DCAF7: variants seen among roughly 807,000 people sequenced by gnomAD.
DCAF7 encodes the protein DDB1- and CUL4-associated factor 7.
A neutral mutation model predicts 41.2 loss-of-function variants in DCAF7; 4 were observed. The observed-to-expected ratio is 0.10, with a 90% CI of 0.05 to 0.22. DCAF7 has a LOEUF of 0.22. Ranked by LOEUF, DCAF7 falls within the 10% of genes least tolerant of loss-of-function variation. The probability of loss-of-function intolerance (pLI) is 1.00; values close to 1 mark genes in which losing one functional copy is unlikely to be tolerated. For synonymous variants in DCAF7, 143 were observed against 164.2 expected (o/e 0.87, Z 0.99); for missense variants, 131 against 443.2 (o/e 0.30, Z 6.32).
intron 1 of DCAF7, among the ~76,000 whole-genome samples, chr17:63,566,096 G>A (rs1010162256): frequency 2.0e-5 from 3 of 151,962 alleles, no homozygotes; most frequent in South Asian, 2.1e-4. Flanking sequence ...GTGAGACTCT[G>A]TCTCAAAAAC....
intron 1 of DCAF7, among the ~76,000 whole-genome samples, chr17:63,566,286 G>A (rs2033440547): frequency 6.6e-6 from 1 of 151,874 alleles, no homozygotes. Flanking sequence ...CAGGAGAATG[G>A]CGTGAACCTG....
At chr17:63,576,698 G>C (rs2033566062) in intron 1 of DCAF7, among the ~76,000 whole-genome samples, 1 of 152,162 alleles carries the variant, frequency 6.6e-6, no homozygotes. Context: ...AGGATCACTT[G>C]AGCCCAGAAG....
At chr17:63,585,541 A>G (rs1192719823) in intron 6 of DCAF7, among the ~76,000 whole-genome samples, 1 of 152,214 alleles carries the variant, frequency 6.6e-6, no homozygotes, top group East Asian at 1.9e-4. Flanking sequence ...TCTTCCATAT[A>G]TGATTTACAT....
chr17:63,576,999 A>C (rs972137235), intron 1 of DCAF7, among the ~76,000 whole-genome samples: 2 of 152,264 alleles, frequency 1.3e-5, no homozygotes, highest in Non-Finnish European at 2.9e-5. Flanking sequence ...TACACACAAG[A>C]ACATGGATGA....
rs180684025 is a variant in DCAF7, at chr17:63,589,562, T to C, written c.*390T>C. Reference sequence around the variant, plus strand: ...AAGGCAGCAGTTCATGTCTCGTCCATGTCCATGTTCGTGTTAGCACTTACG... The same window carrying C: ...AAGGCAGCAGTTCATGTCTCGTCCACGTCCATGTTCGTGTTAGCACTTACG... On this transcript the variant is annotated 3_prime_UTR_variant, in exon 7 of 7. Transcript: ENST00000614556. The C allele has an allele frequency of 2.3e-4, 63 of 273,936 alleles. 2 individuals are homozygous for C. Among genetic ancestry groups the C allele is most frequent in the Middle Eastern group, 1.4e-3 (1 of 738 alleles). The allele number at this position is 273,936 out of a possible 1,614,324, so 17.0% of individuals were successfully genotyped here.
At chr17:63,557,708 G>A (rs763340275) in intron 1 of DCAF7, among the ~76,000 whole-genome samples, 10 of 152,172 alleles carry the variant, frequency 6.6e-5, no homozygotes, top group Non-Finnish European at 7.4e-5. Flanking sequence ...TCAAATATAT[G>A]GTTAAAGAAG....
chr17:63,581,177 C>G (rs2033618988), intron 4 of DCAF7, among the ~76,000 whole-genome samples: 2 of 152,174 alleles, frequency 1.3e-5, no homozygotes, highest in African/African-American at 4.8e-5. Flanking sequence ...GTTTGTCCCA[C>G]AGAGAGGACC....
At chr17:63,562,539 T>C (rs531681220) in intron 1 of DCAF7, among the ~76,000 whole-genome samples, 2 of 151,464 alleles carry the variant, frequency 1.3e-5, no homozygotes, top group East Asian at 3.9e-4. Context: ...TTTTTTATTT[T>C]TTATTATTAT....
intron 2 of DCAF7, 69 bp from the exon 3 acceptor site, chr17:63,579,266 CAG>C: frequency 9.9e-7 from 1 of 1,014,794 alleles, no homozygotes; most frequent in Non-Finnish European, 1.5e-6. Context: ...ATTTTCTAAA[CAG>C]GGATTTTTTA....
At chr17:63,551,959 T>C (rs1185738053) in intron 1 of DCAF7, among the ~76,000 whole-genome samples, 1 of 127,588 alleles carries the variant, frequency 7.8e-6, no homozygotes, top group Non-Finnish European at 1.6e-5. Flanking sequence ...GCGCCTGTAG[T>C]CCCAGCTACT....
At chr17:63,567,178 A>G (rs2033452357) in intron 1 of DCAF7, among the ~76,000 whole-genome samples, 1 of 152,202 alleles carries the variant, frequency 6.6e-6, no homozygotes, top group Admixed American at 6.5e-5. Context: ...GATGCACACC[A>G]AATAGCATCA....
intron 1 of DCAF7, among the ~76,000 whole-genome samples, chr17:63,564,550 A>G (rs1052101224): frequency 6.6e-6 from 1 of 152,214 alleles, no homozygotes; most frequent in African/African-American, 2.4e-5. Flanking sequence ...AGCCTCAGTG[A>G]AACTTTCTGC....
At chr17:63,557,744 A>G (rs774947374) in intron 1 of DCAF7, among the ~76,000 whole-genome samples, 1 of 152,240 alleles carries the variant, frequency 6.6e-6, no homozygotes, top group African/African-American at 2.4e-5. Flanking sequence ...ATTTGAAGTG[A>G]TAAGTTCAAA....
chr17:63,583,465 G>C (rs1245307101), intron 4 of DCAF7, 37 bp from the exon 5 acceptor site: 2 of 1,579,086 alleles, frequency 1.3e-6, no homozygotes, highest in African/African-American at 2.7e-5. Context: ...AGAGGTAATG[G>C]ATCTGAATCT....
At position 63,566,677 on chromosome 17, in the gene DCAF7, A is replaced by G. The variant is rs560924919; in HGVS notation, c.139-11793A>G. 6.2e-4 allele frequency among the ~76,000 whole-genome samples: 94 copies of G among 152,268 alleles called. 1 individual carries two copies. The South Asian group carries it at 0.019, about 31-fold the overall frequency. ...GGCTGACACTGGTAATCCCAGCAAT[A>G]TGGGAGGCCAGGGCGGGAGGATTGT... On this transcript the variant is annotated intron_variant, in intron 1 of 6. Transcript: ENST00000614556.
intron 1 of DCAF7, among the ~76,000 whole-genome samples, chr17:63,567,613 A>C (rs1419590585): frequency 6.6e-6 from 1 of 152,230 alleles, no homozygotes; most frequent in Non-Finnish European, 1.5e-5. Flanking sequence ...GTCGTAGGCA[A>C]AGCTTACATT....
intron 1 of DCAF7, among the ~76,000 whole-genome samples, chr17:63,572,046 A>G (rs1482192416): frequency 2.0e-5 from 3 of 152,188 alleles, no homozygotes; most frequent in East Asian, 3.9e-4. Context: ...ATGAGGCACT[A>G]TGGGATTAGT....
rs377638787 is a variant in DCAF7, at chr17:63,588,189, A to ATTT, written c.857-797_857-795dup. On this transcript the variant is annotated intron_variant, in intron 6 of 6. Transcript: ENST00000614556. ...GTGTTTCCCATAGCTATTTTCTTGG[A>ATTT]TTTTTTTTTTTTTTTTGAGATGAAG... Among the ~76,000 whole-genome samples the ATTT allele has an allele frequency of 5.8e-5, 7 of 120,256 alleles. 1 individual carries two copies. Among genetic ancestry groups the ATTT allele is most frequent in the African/African-American group, 2.4e-4 (6 of 25,398 alleles). 78.9% of individuals were successfully genotyped at this position (120,256 alleles called of 152,430 possible).
At chr17:63,579,975 A>G (rs1297125733) in intron 4 of DCAF7, 32 bp downstream of exon 4, 28 of 1,564,576 alleles carry the variant, frequency 1.8e-5, no homozygotes, top group African/African-American at 2.7e-5. Context: ...TCTTTCCTCA[A>G]ATGCTTCCTG....
Sources: gnomAD v4.1 joint callset for allele counts (sites outside exome capture counted in the v4.1 genomes callset) on GRCh38, gnomAD v4.1.1 for gene constraint, MANE v1.5 for transcripts, NCBI Gene and HGNC (gene_info 2026-07-23, HGNC 2026-07-21) for gene names.